The following DLG2 variants were observed in gnomAD, a reference collection of about 807,000 sequenced individuals.
DLG2 encodes discs large MAGUK scaffold protein 2, also known as disks large homolog 2.
DLG2 carries 45 observed loss-of-function variants against 132.5 expected under a neutral mutation model. The observed-to-expected ratio is 0.34, with a 90% CI of 0.27 to 0.44. DLG2 has a LOEUF of 0.44. Among genes scored for constraint, DLG2 ranks in the 20% least tolerant of loss-of-function variants. The pLI, the probability that DLG2 is intolerant of heterozygous loss-of-function variation, is 1.00. For synonymous variants in DLG2, 424 were observed against 419.6 expected, an observed-to-expected ratio of 1.01 and a Z score of -0.13; for missense variants, 1,045 against 1,196.9, an observed-to-expected ratio of 0.87 and a Z score of 1.87.
At chr11:84,184,432 GT>G (rs1472526153) in intron 8 of DLG2, among the ~76,000 whole-genome samples, 1 of 150,760 alleles carries the variant, frequency 6.6e-6, no homozygotes, top group Non-Finnish European at 1.5e-5. Context: ...TTTTTTTCTT[GT>G]AAATTTGTTT....
intron 6 of DLG2, among the ~76,000 whole-genome samples, chr11:84,565,058 C>T (rs1300632748): frequency 6.6e-6 from 1 of 152,132 alleles, no homozygotes; most frequent in Non-Finnish European, 1.5e-5. Context: ...ATTACTCCTT[C>T]CTGATATATT....
At chr11:85,152,435 C>T (rs1331998182) in intron 5 of DLG2, among the ~76,000 whole-genome samples, 1 of 152,090 alleles carries the variant, frequency 6.6e-6, no homozygotes, top group Non-Finnish European at 1.5e-5. Flanking sequence ...GATGGGGTTT[C>T]ACCATGTTGG....
chr11:84,455,742 T>C (rs1410601260), intron 7 of DLG2, among the ~76,000 whole-genome samples: 1 of 151,336 alleles, frequency 6.6e-6, no homozygotes, highest in Non-Finnish European at 1.5e-5. Context: ...TATTTGAAAA[T>C]ATATTCAAGG....
At chr11:84,271,228 T>C (rs1474986346) in intron 7 of DLG2, among the ~76,000 whole-genome samples, 1 of 152,210 alleles carries the variant, frequency 6.6e-6, no homozygotes, top group Non-Finnish European at 1.5e-5. Flanking sequence ...GCTTGAGATA[T>C]ATTGGCAAAT....
chr11:84,037,255 G>T (rs1382523458), intron 11 of DLG2, among the ~76,000 whole-genome samples: 1 of 152,066 alleles, frequency 6.6e-6, no homozygotes, highest in Non-Finnish European at 1.5e-5. Flanking sequence ...TGAAAATTAT[G>T]CACCTTTTGT....
In DLG2 at chr11:84,724,370, T is replaced by C. The variant is rs954451036; in HGVS notation, c.358-189639A>G. On this transcript the variant is annotated intron_variant, in intron 6 of 27. Transcript: ENST00000376104. The stretch of plus-strand genomic sequence containing the variant: ...CTCTTCTATAACACTTACTATTTGA[T>C]AGGCACTAATATCATGCTTGCTATG... Among the ~76,000 whole-genome samples the C allele has an allele frequency of 3.7e-4, 56 of 152,338 alleles. 1 individual carries two copies. The highest frequency in any genetic ancestry group is 8.3e-4 in the South Asian group (4 of 4,834).
intron 3 of DLG2, among the ~76,000 whole-genome samples, chr11:85,421,374 G>A (rs915064849): frequency 1.3e-5 from 2 of 151,234 alleles, no homozygotes; most frequent in African/African-American, 4.9e-5. Context: ...GCTACAGACC[G>A]GAGCTGTTCC....
At chr11:83,886,799 C>T (rs2068032452) in intron 15 of DLG2, among the ~76,000 whole-genome samples, 1 of 152,152 alleles carries the variant, frequency 6.6e-6, no homozygotes, top group Non-Finnish European at 1.5e-5. Context: ...GAAACTCACT[C>T]AAAACCACTC....
chr11:84,201,072 G>C (rs1464295968), intron 8 of DLG2, among the ~76,000 whole-genome samples: 4 of 152,088 alleles, frequency 2.6e-5, no homozygotes, highest in Non-Finnish European at 5.9e-5. Flanking sequence ...GTATGATATT[G>C]GTTGTGGGTT....
intron 3 of DLG2, among the ~76,000 whole-genome samples, chr11:85,578,891 A>G (rs114381792): frequency 0.015 from 2,291 of 152,340 alleles, 61 homozygotes; most frequent in African/African-American, 0.052. Flanking sequence ...GTATATACCC[A>G]AAAGAATATA....
chr11:84,251,915 G>C (rs191575798), intron 7 of DLG2, among the ~76,000 whole-genome samples: 19 of 151,810 alleles, frequency 1.3e-4, no homozygotes, highest in Non-Finnish European at 1.6e-4. Context: ...TGGGATTATA[G>C]GCATGAGCTA....
intron 6 of DLG2, among the ~76,000 whole-genome samples, chr11:84,806,621 T>G (rs1008791847): frequency 7.9e-5 from 12 of 152,136 alleles, no homozygotes; most frequent in African/African-American, 2.7e-4. Context: ...ATTTAAGACA[T>G]TCTCAGATAA....
intron 3 of DLG2, among the ~76,000 whole-genome samples, chr11:85,533,722 G>A (rs1598334125): frequency 6.6e-6 from 1 of 152,118 alleles, no homozygotes; most frequent in East Asian, 1.9e-4. Flanking sequence ...TGGTTTGTTT[G>A]ATCTACCTCT....
At chr11:85,470,147 A>C (rs2092934467) in intron 3 of DLG2, among the ~76,000 whole-genome samples, 1 of 142,458 alleles carries the variant, frequency 7.0e-6, no homozygotes. Flanking sequence ...CCAACAATGT[A>C]AAAAAAAAAA....
chr11:85,365,568 C>G (rs533733967), intron 3 of DLG2, among the ~76,000 whole-genome samples: 1 of 152,298 alleles, frequency 6.6e-6, no homozygotes, highest in South Asian at 2.1e-4. Context: ...TTTGACCCAG[C>G]AATCCCATTA....
At chr11:85,486,760 C>T (rs1029125184) in intron 3 of DLG2, among the ~76,000 whole-genome samples, 1 of 151,986 alleles carries the variant, frequency 6.6e-6, no homozygotes, top group Non-Finnish European at 1.5e-5. Flanking sequence ...CACCTGCTGC[C>T]CAGGGCCTGA....
intron 7 of DLG2, among the ~76,000 whole-genome samples, chr11:84,355,401 A>G (rs1429265657): frequency 1.3e-5 from 2 of 151,982 alleles, no homozygotes; most frequent in Non-Finnish European, 2.9e-5. Flanking sequence ...ATGAGGGTAG[A>G]GCTCTCATGA....
chr11:84,542,797 T>G (rs2099379309), intron 6 of DLG2, among the ~76,000 whole-genome samples: 1 of 152,134 alleles, frequency 6.6e-6, no homozygotes, highest in Non-Finnish European at 1.5e-5. Context: ...AAATTTCCAT[T>G]TCATCTCAAG....
At chr11:84,843,415 T>C (rs1335094740) in intron 6 of DLG2, among the ~76,000 whole-genome samples, 3 of 151,864 alleles carry the variant, frequency 2.0e-5, no homozygotes, top group South Asian at 2.1e-4. Context: ...TGTATAATAA[T>C]ATGAATATTA....
Sources: allele counts gnomAD v4.1 joint callset (sites outside exome capture counted in the v4.1 genomes callset), GRCh38; gene constraint gnomAD v4.1.1; transcripts MANE v1.5; gene names NCBI Gene and HGNC (gene_info 2026-07-23, HGNC 2026-07-21).